COL27A1: variants seen among roughly 807,000 people sequenced by gnomAD.
COL27A1 encodes collagen type XXVII alpha 1 chain.
A neutral mutation model predicts 251.3 loss-of-function variants in COL27A1; 106 were observed. The observed-to-expected ratio is 0.42, with a 90% confidence interval of 0.36 to 0.50. COL27A1 has a LOEUF of 0.50. Ranked by LOEUF, COL27A1 falls within the 20% of genes least tolerant of loss-of-function variation. The probability of loss-of-function intolerance (pLI) is 0.00; values close to 1 mark genes in which losing one functional copy is unlikely to be tolerated. For missense variants in COL27A1, 2,325 were observed against 2,522.8 expected (o/e 0.92, Z 1.68); for synonymous variants, 1,000 against 986.3 (o/e 1.01, Z -0.26).
At chr9:114,180,790 C>T (rs1369842590) in intron 4 of COL27A1, among the ~76,000 whole-genome samples, 2 of 152,128 alleles carry the variant, frequency 1.3e-5, no homozygotes, top group Non-Finnish European at 2.9e-5. Context: ...GGCTTTCAGT[C>T]AACTATGTGC....
At chr9:114,221,767 C>T (rs1831126660) in intron 13 of COL27A1, among the ~76,000 whole-genome samples, 1 of 152,212 alleles carries the variant, frequency 6.6e-6, no homozygotes, top group Admixed American at 6.5e-5. Flanking sequence ...ACAGCACCTC[C>T]CGGCTGAGAA....
intron 13 of COL27A1, among the ~76,000 whole-genome samples, chr9:114,220,994 CAAAA>C (rs35673362): frequency 9.3e-6 from 1 of 107,782 alleles, no homozygotes; most frequent in African/African-American, 4.0e-5. Flanking sequence ...GACTCTGTCT[CAAAA>C]AAAAAAAAAA....
At chr9:114,224,753 A>G (rs756899363) in intron 14 of COL27A1, among the ~76,000 whole-genome samples, 1 of 150,096 alleles carries the variant, frequency 6.7e-6, no homozygotes, top group Non-Finnish European at 1.5e-5. Context: ...CTTGGGCTCA[A>G]GTGATCCTCC....
intron 3 of COL27A1, among the ~76,000 whole-genome samples, chr9:114,175,189 C>A (rs552719418): frequency 2.0e-5 from 3 of 152,174 alleles, no homozygotes; most frequent in African/African-American, 4.8e-5. Context: ...TGTTTGCGTA[C>A]GCCTGGAGCC....
intron 1 of COL27A1, among the ~76,000 whole-genome samples, chr9:114,162,283 TG>T (rs144130273): frequency 0.038 from 5,806 of 152,250 alleles, 200 homozygotes; most frequent in East Asian, 0.13. Flanking sequence ...GGCTGGGGTC[TG>T]GGGAAGGGTC....
At chr9:114,231,917 C>A (rs372666523) in intron 16 of COL27A1, 51 bp downstream of exon 16, 12 of 1,573,592 alleles carry the variant, frequency 7.6e-6, no homozygotes, top group South Asian at 5.5e-5. Flanking sequence ...ATGCCACCCC[C>A]CTCTCCGCCC....
At chr9:114,240,590 T>C in intron 21 of COL27A1, 103 bp downstream of exon 21, 2 of 1,131,044 alleles carry the variant, frequency 1.8e-6, no homozygotes, top group East Asian at 2.4e-5. Context: ...TGGAGCCCCC[T>C]CAGCCAGGAC....
intron 7 of COL27A1, among the ~76,000 whole-genome samples, chr9:114,198,556 G>A (rs1329977785): frequency 1.3e-5 from 2 of 152,150 alleles, no homozygotes; most frequent in African/African-American, 2.4e-5. Context: ...CCAATTTAAT[G>A]GAAATACCTT....
chr9:114,301,758 G>C (rs781719695), intron 55 of COL27A1, 41 bp downstream of exon 55: 27 of 1,595,060 alleles, frequency 1.7e-5, no homozygotes, highest in Non-Finnish European at 2.1e-5. Context: ...ACTCCTGGGG[G>C]GTTCCTTTGA....
intron 3 of COL27A1, among the ~76,000 whole-genome samples, chr9:114,177,063 G>A (rs992879030): frequency 1.3e-5 from 2 of 152,212 alleles, no homozygotes; most frequent in African/African-American, 4.8e-5. Flanking sequence ...AAAGGCTGCA[G>A]GCACAGTTCT....
intron 1 of COL27A1, among the ~76,000 whole-genome samples, chr9:114,159,229 C>A (rs1187410895): frequency 6.6e-6 from 1 of 152,188 alleles, no homozygotes; most frequent in African/African-American, 2.4e-5. Context: ...TTCCATGTCT[C>A]CTGTGGACTT....
At chr9:114,164,815 AC>A (rs1443662342) in intron 2 of COL27A1, among the ~76,000 whole-genome samples, 1 of 152,228 alleles carries the variant, frequency 6.6e-6, no homozygotes, top group African/African-American at 2.4e-5. Flanking sequence ...TTAGCTTAGA[AC>A]CTGAGGACAG....
At chr9:114,241,569 G>A (rs1421413526) in intron 21 of COL27A1, among the ~76,000 whole-genome samples, 1 of 152,206 alleles carries the variant, frequency 6.6e-6, no homozygotes, top group Non-Finnish European at 1.5e-5. Flanking sequence ...GGGGAGAGGA[G>A]GGAACGGCAC....
At chr9:114,248,120 T>C (rs1306367882) in intron 24 of COL27A1, among the ~76,000 whole-genome samples, 3 of 152,154 alleles carry the variant, frequency 2.0e-5, no homozygotes, top group African/African-American at 4.8e-5. Context: ...AGAGGCAAGA[T>C]TGACCCTGAG....
chr9:114,166,273 A>AT (rs200376483), intron 2 of COL27A1, among the ~76,000 whole-genome samples: 8,985 of 87,366 alleles, frequency 0.1, 397 homozygotes, highest in African/African-American at 0.17. Context: ...CCATCCATCC[A>AT]CCCATCCATC....
At chr9:114,178,943 T>C (rs1207164431) in intron 4 of COL27A1, among the ~76,000 whole-genome samples, 1 of 152,082 alleles carries the variant, frequency 6.6e-6, no homozygotes, top group Non-Finnish European at 1.5e-5. Flanking sequence ...CATGGGACAG[T>C]GAGATCATTC....
rs77822045 is a variant in COL27A1 at position 114,301,759 on chromosome 9, G to A, written c.4845+42G>A. 1,350 of 1,593,872 alleles carry A rather than the reference G, an allele frequency of 8.5e-4. 14 individuals carry two copies. In the African/African-American group the frequency reaches 0.015, roughly 17 times the overall value. ...TGGGTGCATCTTGGACTCCTGGGGG[G>A]TTCCTTTGAAGGAGATTCAAGGCTT... On this transcript the variant is annotated intron_variant, in intron 55 of 60. Transcript: ENST00000356083.
At chr9:114,270,141 C>T (rs1835039774) in intron 35 of COL27A1, among the ~76,000 whole-genome samples, 1 of 152,188 alleles carries the variant, frequency 6.6e-6, no homozygotes, top group African/African-American at 2.4e-5. Context: ...AGGCTTACTC[C>T]AGCTCCAGTA....
chr9:114,205,851 G>A (rs1397022320), intron 9 of COL27A1, 39 bp downstream of exon 9: 4 of 1,572,200 alleles, frequency 2.5e-6, no homozygotes, highest in Non-Finnish European at 3.5e-6. Context: ...TGGCCATGGT[G>A]ATGTGAAGAT....
Sources: allele counts gnomAD v4.1 joint callset (sites outside exome capture counted in the v4.1 genomes callset), GRCh38; gene constraint gnomAD v4.1.1; transcripts MANE v1.5; gene names NCBI Gene and HGNC (gene_info 2026-07-23, HGNC 2026-07-21).